Variants in ZNF318 observed in about 807,000 individuals in gnomAD.
ZNF318 encodes the protein endocrine regulator.
ZNF318 carries 51 observed loss-of-function variants against 124.2 expected under a neutral mutation model. The observed-to-expected ratio is 0.41, with a 90% CI of 0.33 to 0.52. The LOEUF is 0.52. ZNF318 is among the 20% of genes least tolerant of loss of function. ZNF318 has a pLI of 0.23. For missense variants in ZNF318, 2,815 were observed against 2,811.2 expected (o/e 1.00, Z -0.03); for synonymous variants, 1,090 against 1,040.7 (o/e 1.05, Z -0.91).
rs1313125027 is a variant in ZNF318 at position 43,340,401 on chromosome 6, C to T, written c.3597G>A (p.Glu1199=). ...VLETERRRQS[E]LKRKLSEKPK... The stretch of plus-strand genomic sequence containing the variant: ...GTTTCTCACTAAGTTTGCGCTTTAG[C>T]TCACTCTGCCGTCGCCGTTCTGTCT... The change falls in exon 10 of 10, where the codon GAG becomes GAA. Residue 1199 remains glutamate (E), a synonymous_variant. Transcript: ENST00000361428. 6.2e-7 allele frequency: 1 copy of T among 1,613,948 alleles called. No individual in the cohort carries two copies. Among genetic ancestry groups the T allele is most frequent in the Non-Finnish European group, 8.5e-7 (1 of 1,180,034 alleles).
chr6:43,354,394 G>A (rs969994384), intron 4 of ZNF318, among the ~76,000 whole-genome samples: 4 of 152,144 alleles, frequency 2.6e-5, no homozygotes, highest in Non-Finnish European at 2.9e-5. Flanking sequence ...CCTATCTACA[G>A]TGTTTGAAGA....
chr6:43,368,600 AAGGGG>A, intron 1 of ZNF318: 1 of 913,808 alleles, frequency 1.1e-6, no homozygotes, highest in South Asian at 5.0e-5. Flanking sequence ...GCTCAGGTGT[AAGGGG>A]ATGAAAAGTA....
Position 43,365,062 on chromosome 6 carries a change from A to G in ZNF318, c.548+230T>C, listed in dbSNP as rs552248338. 6.4e-4 allele frequency among the ~76,000 whole-genome samples: 97 copies of G among 152,276 alleles called. 3 individuals are homozygous for G. The South Asian group carries it at 0.02, about 31-fold the overall frequency. ...TCTTCTTTCTAGTCAGACTCAGATG[A>G]CCTTTTTAAAGTCTTTTTTTCTATA... On this transcript the variant is annotated intron_variant, in intron 2 of 9. Transcript: ENST00000361428.
chr6:43,342,325 AC>A (rs1255028566), intron 7 of ZNF318, 114 bp from the exon 8 acceptor site: 11 of 587,726 alleles, frequency 1.9e-5, no homozygotes, highest in Middle Eastern at 8.9e-4. Context: ...CCAGCTACCC[AC>A]CCCCACCCCC....
intron 2 of ZNF318, among the ~76,000 whole-genome samples, chr6:43,363,025 TCA>T (rs750280365): frequency 6.6e-6 from 1 of 152,188 alleles, no homozygotes; most frequent in Non-Finnish European, 1.5e-5. Flanking sequence ...AACCTTAATC[TCA>T]CTTTCTCTAA....
At chr6:43,341,977 C>A in intron 8 of ZNF318, 135 bp downstream of exon 8, 1 of 753,676 alleles carries the variant, frequency 1.3e-6, no homozygotes. Context: ...GTTTTGTACA[C>A]AGAAGGCATT....
Position 43,340,335 on chromosome 6 carries a change from T to C in ZNF318, c.3663A>G (p.Lys1221=). The C allele has an allele frequency of 6.2e-7, 1 of 1,614,188 alleles. No individual in the cohort carries two copies. The highest frequency in any genetic ancestry group is 8.5e-7 in the Non-Finnish European group (1 of 1,180,042). ...AGACCTTGTCATCCTCCTTTACTTC[T>C]TTCACAGCCTTTGCCTTTTTTTCTT... The part of the protein sequence containing the change: ...EKKEKKAKAV[K]EVKEDDKVSE... Residue 1221 remains lysine, a synonymous_variant, in exon 10 of 10, where the codon AAA becomes AAG. Transcript: ENST00000361428.
chr6:43,339,454 G>A lies in ZNF318; in HGVS notation c.4544C>T (p.Ser1515Phe). ...MASAQPAAIP[S>F]DETAPGVSES... ...ACTCACCCCAGGAGCTGTCTCATCA[G>A]AAGGAATGGCAGCTGGCTGTGCTGA... The change falls in exon 10 of 10, where the codon TCT becomes TTT. Residue 1515 changes from serine to phenylalanine, a missense_variant. Transcript: ENST00000361428. The surrounding 1 kb of genome is among the most constrained non-coding windows in gnomAD (Gnocchi z 4.2). 1 of 1,614,196 alleles carries A rather than the reference G, an allele frequency of 6.2e-7. No individual in the cohort carries two copies. The highest frequency in any genetic ancestry group is 8.5e-7 in the Non-Finnish European group (1 of 1,180,046).
intron 2 of ZNF318, among the ~76,000 whole-genome samples, chr6:43,358,396 A>C (rs968005258): frequency 6.8e-6 from 1 of 147,062 alleles, no homozygotes; most frequent in Admixed American, 6.9e-5. Flanking sequence ...TATAGGCACC[A>C]GCCATCACAC....
intron 2 of ZNF318, among the ~76,000 whole-genome samples, chr6:43,358,729 A>AT (rs1292437253): frequency 1.3e-5 from 2 of 150,436 alleles, no homozygotes; most frequent in Non-Finnish European, 3.0e-5. Context: ...GACTTTTTGC[A>AT]TTTTTTTAGT....
chr6:43,368,177 A>C (rs1779787054), intron 1 of ZNF318, among the ~76,000 whole-genome samples: 1 of 152,226 alleles, frequency 6.6e-6, no homozygotes, highest in Admixed American at 6.5e-5. Context: ...CCGTTCCTCT[A>C]GCAGTGAAAC....
intron 1 of ZNF318, among the ~76,000 whole-genome samples, chr6:43,366,913 A>G (rs549872726): frequency 5.5e-4 from 83 of 151,580 alleles, no homozygotes; most frequent in African/African-American, 1.8e-3. Context: ...GTGCAGTGGC[A>G]CGATCTCGGC....
At position 43,354,911 on chromosome 6, in the gene ZNF318, G is replaced by C; in HGVS notation, c.2423C>G (p.Ser808Cys). Reference sequence around the variant, plus strand: ...AGGTACAGGGTGGTTTGACGGTTGAGAGGTGGGATACATGGGCCATCTGGA... The same window carrying C: ...AGGTACAGGGTGGTTTGACGGTTGACAGGTGGGATACATGGGCCATCTGGA... ...AASRWPMYPT[S>C]QPSNHPVPEP... is the part of the protein sequence containing the mutation. The change falls in exon 4 of 10, where the codon TCT (serine) becomes TGT (cysteine). Residue 808 changes from serine (S) to cysteine (C), a missense_variant. Transcript: ENST00000361428. 6.2e-7 allele frequency: 1 copy of C among 1,612,722 alleles called. No homozygotes were observed. The highest frequency in any genetic ancestry group is 8.5e-7 in the Non-Finnish European group (1 of 1,178,988).
intron 6 of ZNF318, among the ~76,000 whole-genome samples, chr6:43,346,941 T>C (rs1052144376): frequency 2.0e-5 from 3 of 152,216 alleles, no homozygotes; most frequent in Non-Finnish European, 2.9e-5. Context: ...CCTGTAACTT[T>C]TGAACCTTAA....
chr6:43,344,744 G>T (rs889877798), intron 6 of ZNF318, among the ~76,000 whole-genome samples: 1 of 152,030 alleles, frequency 6.6e-6, no homozygotes, highest in African/African-American at 2.4e-5. Context: ...ATCTAGACCA[G>T]TTCCTGACAC....
Position 43,369,167 on chromosome 6 carries a change from G to A in ZNF318, c.199C>T (p.Arg67Trp), listed in dbSNP as rs1013726358. The A allele has an allele frequency of 1.2e-3, 1,455 of 1,209,754 alleles. 3 individuals are homozygous for A. Among genetic ancestry groups the A allele is most frequent in the Middle Eastern group, 1.3e-3 (4 of 3,076 alleles). The allele number at this position is 1,209,754 out of a possible 1,614,324, so 74.9% of individuals were successfully genotyped here. A position where few individuals can be genotyped will look rare whatever the true frequency, so the allele number is the denominator to read the frequency against. ...CCCCGTGGCGGGGACGGCGAGGCCC[G>A]GCGGCCGCGGTGCCCTGAGGGCGAG... ...PRSPSGHRGR[R>W]ASPSPPRGRR... The change falls in exon 1 of 10, where the codon CGG (arginine) becomes TGG (tryptophan). Residue 67 changes from arginine to tryptophan, a missense_variant. By Grantham distance (101) the Arg-to-Trp change is moderately radical. This residue lies in a region of ZNF318 where 1,377 missense variants were observed against 1,353.5 expected (regional missense o/e 1.02). Transcript: ENST00000361428.
At position 43,350,323 on chromosome 6, in the gene ZNF318, C is replaced by T. The variant is rs78013618; in HGVS notation, c.2771-1698G>A. On this transcript the variant is annotated intron_variant, in intron 5 of 9. Coordinates refer to ENST00000361428, the MANE Select transcript of ZNF318 (RefSeq NM_014345.3). ...GAGACATATTGAAAGGACACAGGAG[C>T]TAACTCACAGGGGGTCCCATTGGCC... 9.2e-3 allele frequency among the ~76,000 whole-genome samples: 1,397 copies of T among 152,186 alleles called. 7 individuals are homozygous for T. Among genetic ancestry groups the T allele is most frequent in the Non-Finnish European group, 0.014 (963 of 68,012 alleles).
At chr6:43,350,406 T>C (rs1028503275) in intron 5 of ZNF318, among the ~76,000 whole-genome samples, 2 of 152,078 alleles carry the variant, frequency 1.3e-5, no homozygotes, top group Non-Finnish European at 2.9e-5. Flanking sequence ...TTATAACTTA[T>C]CAAATGAAGA....
At chr6:43,366,956 A>T (rs1007541342) in intron 1 of ZNF318, among the ~76,000 whole-genome samples, 1 of 151,380 alleles carries the variant, frequency 6.6e-6, no homozygotes, top group Non-Finnish European at 1.5e-5. Context: ...GGTTCATGCC[A>T]TTCTCCTGCC....
Sources: allele counts gnomAD v4.1 joint callset (sites outside exome capture counted in the v4.1 genomes callset), GRCh38; gene constraint gnomAD v4.1.1; regional missense constraint gnomAD v4.1.1; non-coding constraint Gnocchi (gnomAD v3.1); transcripts MANE v1.5; gene names NCBI Gene and HGNC (gene_info 2026-07-23, HGNC 2026-07-21).